The following CCDC169 variants were observed in gnomAD, a reference collection of about 807,000 sequenced individuals.
CCDC169 encodes coiled-coil domain containing 169, also known as coiled-coil domain-containing protein 169.
In CCDC169, 30 loss-of-function variants were observed where a neutral mutation model predicts 36.0. The observed-to-expected ratio is 0.83, with a 90% CI of 0.62 to 1.13. CCDC169 has a LOEUF of 1.13. Among genes scored for constraint, CCDC169 ranks in the 50% most tolerant of loss-of-function variants. CCDC169 has a pLI of 0.00. For missense variants in CCDC169, 245 were observed against 245.9 expected (o/e 1.00, Z 0.03); for synonymous variants, 85 against 81.5 (o/e 1.04, Z -0.23).
intron 4 of CCDC169, among the ~76,000 whole-genome samples, chr13:36,259,424 C>T (rs1209559002): frequency 1.3e-5 from 2 of 152,162 alleles, no homozygotes; most frequent in African/African-American, 2.4e-5. Flanking sequence ...AAGCAATGGA[C>T]GACAGCGACA....
intron 2 of CCDC169, among the ~76,000 whole-genome samples, chr13:36,286,977 T>A (rs557623996): frequency 3.9e-5 from 6 of 152,178 alleles, no homozygotes; most frequent in Admixed American, 3.9e-4. Context: ...AAACCAGTAC[T>A]GAAGAGAAAA....
intron 7 of CCDC169, among the ~76,000 whole-genome samples, chr13:36,231,802 A>G (rs924350408): frequency 2.0e-5 from 3 of 152,194 alleles, no homozygotes; most frequent in Admixed American, 1.3e-4. Context: ...TTCCTCAGGG[A>G]AAGTGTTTAT....
chr13:36,229,653 C>T (rs1854344), downstream of CCDC169, among the ~76,000 whole-genome samples: 61,139 of 150,752 alleles, frequency 0.41, 13,164 homozygotes, highest in Non-Finnish European at 0.48. Flanking sequence ...TTCTCATGCC[C>T]CAGCCTCCTG....
At position 36,262,122 on chromosome 13, in the gene CCDC169, C is replaced by A. The variant is rs577854116; in HGVS notation, c.316-7979G>T. ...CTGCCCAGAAATGCTTGGCCCCACC[C>A]AACTTGAATCTACCACCCAGAAATG... is the stretch of plus-strand genomic sequence containing the variant. On this transcript the variant is annotated intron_variant, in intron 4 of 7. Transcript: ENST00000239859. Among the ~76,000 whole-genome samples the A allele has an allele frequency of 5.8e-4, 89 of 152,282 alleles. 1 individual carries two copies. Among genetic ancestry groups the A allele is most frequent in the African/African-American group, 2.1e-3 (87 of 41,562 alleles).
intron 2 of CCDC169, among the ~76,000 whole-genome samples, chr13:36,287,290 T>A (rs2322935): frequency 0.59 from 89,653 of 151,852 alleles, 27,696 homozygotes; most frequent in Non-Finnish European, 0.69. Context: ...AAATAAAAAA[T>A]AACAAGGGTA....
intron 2 of CCDC169, among the ~76,000 whole-genome samples, chr13:36,295,247 C>A (rs1209195638): frequency 6.6e-6 from 1 of 152,162 alleles, no homozygotes; most frequent in Non-Finnish European, 1.5e-5. Flanking sequence ...AGTCAATGAA[C>A]CTCTTTAGAA....
intron 4 of CCDC169, among the ~76,000 whole-genome samples, chr13:36,264,818 C>A (rs1167680249): frequency 2.0e-5 from 3 of 152,166 alleles, no homozygotes; most frequent in African/African-American, 7.2e-5. Context: ...GGATAGCACA[C>A]TAAAAATTAC....
Position 36,272,602 on chromosome 13 carries a change from G to A in CCDC169, c.315+10867C>T, listed in dbSNP as rs573427877. The stretch of plus-strand genomic sequence containing the variant: ...ATCAACACACTAACTTTTCTAAAGG[G>A]CATTTCAGGTTTTTTGCTGAAGAAT... On this transcript the variant is annotated intron_variant, in intron 4 of 7. Coordinates refer to ENST00000239859, the MANE Select transcript of CCDC169 (RefSeq NM_001144981.3). Among the ~76,000 whole-genome samples the A allele has an allele frequency of 6.6e-5, 10 of 151,864 alleles. No individual in the cohort carries two copies. The East Asian group carries it at 1.9e-3, about 29-fold the overall frequency.
chr13:36,295,748 A>C (rs982688994), intron 2 of CCDC169, 30 bp downstream of exon 2: 1 of 1,097,254 alleles, frequency 9.1e-7, no homozygotes, highest in African/African-American at 1.6e-5. Context: ...ATTATACAGG[A>C]GTCACAAATA....
chr13:36,282,854 T>C (rs1224312712), intron 4 of CCDC169: 1 of 152,422 alleles, frequency 6.6e-6, no homozygotes. Context: ...CAGCACTTGT[T>C]GCTACTCTCC....
At chr13:36,240,991 G>A (rs971765380) in intron 7 of CCDC169, among the ~76,000 whole-genome samples, 4 of 151,876 alleles carry the variant, frequency 2.6e-5, no homozygotes, top group South Asian at 2.1e-4. Context: ...TTCATTTGTG[G>A]TCATAATACA....
At chr13:36,262,741 A>C (rs1465267487) in intron 4 of CCDC169, among the ~76,000 whole-genome samples, 1 of 152,154 alleles carries the variant, frequency 6.6e-6, no homozygotes, top group African/African-American at 2.4e-5. Flanking sequence ...AGGGCCATCT[A>C]ACTATAGGTC....
Position 36,291,989 on chromosome 13 carries a change from C to CTT in CCDC169, c.163+3787_163+3788dup, listed in dbSNP as rs35326800. Among the ~76,000 whole-genome samples the CTT allele has an allele frequency of 8.2e-4, 110 of 134,864 alleles. 1 individual carries two copies. The South Asian group carries it at 0.017, about 21-fold the overall frequency. 88.5% of individuals were successfully genotyped at this position (134,864 alleles called of 152,430 possible). A position where few individuals can be genotyped will look rare whatever the true frequency, so the allele number is the denominator to read the frequency against. On this transcript the variant is annotated intron_variant, in intron 2 of 7. Transcript: ENST00000239859. ...AACTTGTGTGTTGTCAATAAGTCTT[C>CTT]TTTTTTTTTTTTTTTTTGGATGGAG...
chr13:36,245,980 T>C (rs1456115487), intron 7 of CCDC169, among the ~76,000 whole-genome samples: 1 of 152,240 alleles, frequency 6.6e-6, no homozygotes, highest in Non-Finnish European at 1.5e-5. Context: ...CTACTGTAAT[T>C]GTTTTGGGGA....
At chr13:36,263,301 T>G (rs964866820) in intron 4 of CCDC169, among the ~76,000 whole-genome samples, 1 of 152,222 alleles carries the variant, frequency 6.6e-6, no homozygotes, top group Non-Finnish European at 1.5e-5. Flanking sequence ...GTTCTCACAT[T>G]CTTGCAAATT....
At chr13:36,229,657 C>T (rs1348147594), downstream of CCDC169, among the ~76,000 whole-genome samples, 1 of 151,230 alleles carries the variant, frequency 6.6e-6, no homozygotes, top group Non-Finnish European at 1.5e-5. Flanking sequence ...CATGCCCCAG[C>T]CTCCTGAGTA....
chr13:36,287,812 CTT>C (rs950837675), intron 2 of CCDC169, among the ~76,000 whole-genome samples: 2 of 152,008 alleles, frequency 1.3e-5, no homozygotes, highest in African/African-American at 2.4e-5. Flanking sequence ...GGTTCTAAGA[CTT>C]TAAACTCAAC....
At chr13:36,278,541 A>G (rs962534806) in intron 4 of CCDC169, among the ~76,000 whole-genome samples, 30 of 152,152 alleles carry the variant, frequency 2.0e-4, no homozygotes, top group African/African-American at 7.0e-4. Context: ...CCTCTCCTAC[A>G]GCAGAATTTT....
intron 6 of CCDC169, among the ~76,000 whole-genome samples, chr13:36,250,046 T>C (rs369970343): frequency 1.4e-4 from 22 of 152,214 alleles, no homozygotes; most frequent in African/African-American, 3.9e-4. Context: ...GTTATGGTTC[T>C]ATCGGGGAAA....
Sources: gnomAD v4.1 joint callset for allele counts (sites outside exome capture counted in the v4.1 genomes callset) on GRCh38, gnomAD v4.1.1 for gene constraint, MANE v1.5 for transcripts, NCBI Gene and HGNC (gene_info 2026-07-23, HGNC 2026-07-21) for gene names.